Variants in CNTN4 observed in about 807,000 individuals in gnomAD.
CNTN4 encodes the protein contactin 4, also known as contactin-4.
CNTN4 carries 77 observed loss-of-function variants against 122.5 expected under a neutral mutation model. The ratio of observed to expected loss-of-function variants is 0.63; its 90% CI spans 0.52 to 0.76. The LOEUF (loss-of-function observed/expected upper bound fraction) is 0.76. Ranked by LOEUF, CNTN4 falls within the 30% of genes least tolerant of loss-of-function variation. CNTN4 has a pLI of 0.00. For missense variants in CNTN4, 1,256 were observed against 1,259.1 expected (o/e 1.00, Z 0.04); for synonymous variants, 512 against 447.0 (o/e 1.15, Z -1.83).
chr3:2,759,433 A>G (rs1172307240), intron 6 of CNTN4, among the ~76,000 whole-genome samples: 1 of 152,188 alleles, frequency 6.6e-6, no homozygotes, highest in South Asian at 2.1e-4. Context: ...AGCGTGAGCC[A>G]CCATGCCTAG....
At chr3:2,563,408 T>A (rs2079036148) in intron 3 of CNTN4, among the ~76,000 whole-genome samples, 1 of 152,232 alleles carries the variant, frequency 6.6e-6, no homozygotes, top group Admixed American at 6.5e-5. Context: ...TCAAGGTTTT[T>A]TTAAAGATTA....
chr3:2,354,224 A>G (rs953234713), intron 3 of CNTN4, among the ~76,000 whole-genome samples: 11 of 152,142 alleles, frequency 7.2e-5, no homozygotes, highest in African/African-American at 2.2e-4. Context: ...CCATATTGCT[A>G]CAGTTGAATA....
At chr3:2,305,608 T>A (rs1666345) in intron 2 of CNTN4, among the ~76,000 whole-genome samples, 42,824 of 152,072 alleles carry the variant, frequency 0.28, 6,795 homozygotes, top group East Asian at 0.48. Context: ...TTGATGAAAT[T>A]ATTTTTGTGA....
At chr3:2,129,721 C>G (rs991931451) in intron 2 of CNTN4, among the ~76,000 whole-genome samples, 1 of 151,672 alleles carries the variant, frequency 6.6e-6, no homozygotes, top group Non-Finnish European at 1.5e-5. Flanking sequence ...CAGTTAACTT[C>G]ATGACCTTGA....
At chr3:2,586,298 T>G (rs1439175041) in intron 4 of CNTN4, among the ~76,000 whole-genome samples, 1 of 152,198 alleles carries the variant, frequency 6.6e-6, no homozygotes, top group African/African-American at 2.4e-5. Flanking sequence ...GTTTGTTCAT[T>G]TGTTTGTTTT....
intron 3 of CNTN4, among the ~76,000 whole-genome samples, chr3:2,444,018 G>A (rs2048528785): frequency 6.6e-6 from 1 of 152,010 alleles, no homozygotes; most frequent in South Asian, 2.1e-4. Flanking sequence ...GATAGCCCCA[G>A]CCACCTTAAT....
At chr3:2,400,441 A>ATATATATG (rs1369946820) in intron 3 of CNTN4, among the ~76,000 whole-genome samples, 11 of 136,370 alleles carry the variant, frequency 8.1e-5, no homozygotes, top group African/African-American at 1.6e-4. Flanking sequence ...ATATATATAT[A>ATATATATG]TATATATATC....
chr3:2,699,014 A>C (rs2086205225), intron 4 of CNTN4, among the ~76,000 whole-genome samples: 1 of 108,428 alleles, frequency 9.2e-6, no homozygotes, highest in Non-Finnish European at 1.9e-5. Flanking sequence ...CAAGAGCGAG[A>C]CTCTGTCTTA....
chr3:2,617,292 C>A (rs369303181), intron 4 of CNTN4, among the ~76,000 whole-genome samples: 2 of 150,840 alleles, frequency 1.3e-5, no homozygotes, highest in Non-Finnish European at 2.9e-5. Flanking sequence ...AACAAATTTT[C>A]AAGAAAAAAA....
chr3:2,446,992 G>A (rs2048650000), intron 3 of CNTN4, among the ~76,000 whole-genome samples: 2 of 152,016 alleles, frequency 1.3e-5, no homozygotes, highest in African/African-American at 2.4e-5. Flanking sequence ...CAACATGAAC[G>A]GCAAAGTTGC....
chr3:2,339,536 G>A (rs1297489089), intron 3 of CNTN4, among the ~76,000 whole-genome samples: 1 of 152,106 alleles, frequency 6.6e-6, no homozygotes, highest in Admixed American at 6.6e-5. Context: ...AGTGTATATT[G>A]GGAATAAAGT....
intron 2 of CNTN4, among the ~76,000 whole-genome samples, chr3:2,225,672 T>A (rs927677153): frequency 6.6e-6 from 1 of 152,216 alleles, no homozygotes; most frequent in African/African-American, 2.4e-5. Flanking sequence ...TTAAAGTCAT[T>A]GATCTAAACT....
At chr3:2,768,512 G>A (rs773083774) in intron 6 of CNTN4, among the ~76,000 whole-genome samples, 23 of 152,134 alleles carry the variant, frequency 1.5e-4, no homozygotes, top group Non-Finnish European at 2.8e-4. Context: ...TTGCTGTAGA[G>A]AGCTTGTGAT....
chr3:2,808,503 GTCTA>G (rs2092523778), intron 6 of CNTN4, among the ~76,000 whole-genome samples: 1 of 152,004 alleles, frequency 6.6e-6, no homozygotes, highest in Non-Finnish European at 1.5e-5. Flanking sequence ...ATGAGCATAA[GTCTA>G]TCAGTTATAA....
At chr3:2,262,773 T>A (rs973060953) in intron 2 of CNTN4, among the ~76,000 whole-genome samples, 1 of 152,100 alleles carries the variant, frequency 6.6e-6, no homozygotes, top group Non-Finnish European at 1.5e-5. Flanking sequence ...AGAAAATTCA[T>A]AAGATCAGGA....
At chr3:2,674,314 G>T (rs192724922) in intron 4 of CNTN4, among the ~76,000 whole-genome samples, 1 of 151,868 alleles carries the variant, frequency 6.6e-6, no homozygotes. Flanking sequence ...TATATTTATG[G>T]GGTTCAGTGT....
rs573021812 is a variant in CNTN4, at chr3:2,303,746, C to T, written c.-144-35432C>T. On this transcript the variant is annotated intron_variant, in intron 2 of 24. Transcript: ENST00000418658. ...GCTGCTAGTTCTCTTTCAGCACTACCGCAGAGGACAGCTCCAAGTTTATGG... is the reference window on the plus strand; with the variant it reads ...GCTGCTAGTTCTCTTTCAGCACTACTGCAGAGGACAGCTCCAAGTTTATGG... Among the ~76,000 whole-genome samples, 6 of 152,220 alleles carry T rather than the reference C, an allele frequency of 3.9e-5. No homozygotes were observed. The South Asian group carries it at 8.3e-4, about 21-fold the overall frequency.
intron 3 of CNTN4, among the ~76,000 whole-genome samples, chr3:2,545,800 A>G (rs1319808845): frequency 6.6e-6 from 1 of 151,898 alleles, no homozygotes; most frequent in African/African-American, 2.4e-5. Flanking sequence ...ACAGCATATC[A>G]TTGGGTCTTG....
At chr3:2,363,602 A>T (rs929456893) in intron 3 of CNTN4, among the ~76,000 whole-genome samples, 1 of 152,096 alleles carries the variant, frequency 6.6e-6, no homozygotes, top group Non-Finnish European at 1.5e-5. Flanking sequence ...CTCAGTTAGT[A>T]ATTCCTGGGA....
Sources: gnomAD v4.1 joint callset for allele counts (sites outside exome capture counted in the v4.1 genomes callset) on GRCh38, gnomAD v4.1.1 for gene constraint, MANE v1.5 for transcripts, NCBI Gene and HGNC (gene_info 2026-07-23, HGNC 2026-07-21) for gene names.